Variants in ARHGEF16 observed in about 807,000 individuals in gnomAD.
The protein encoded by ARHGEF16 is Rho guanine nucleotide exchange factor 16, also known as Rho guanine exchange factor (GEF) 16.
Under a neutral mutation model 74.1 loss-of-function variants are expected in ARHGEF16, and 59 were observed. The ratio of observed to expected loss-of-function variants is 0.80; its 90% CI spans 0.65 to 0.99. The LOEUF (loss-of-function observed/expected upper bound fraction) is 0.99. ARHGEF16 is among the 50% of genes least tolerant of loss of function. The pLI is 0.00. For synonymous variants in ARHGEF16, 415 were observed against 412.6 expected, an observed-to-expected ratio of 1.01 and a Z score of -0.07; for missense variants, 948 against 986.6, an observed-to-expected ratio of 0.96 and a Z score of 0.52.
At chr1:3,456,797 A>T (rs937855199) in intron 1 of ARHGEF16, among the ~76,000 whole-genome samples, 1 of 152,200 alleles carries the variant, frequency 6.6e-6, no homozygotes, top group African/African-American at 2.4e-5. Context: ...GTGGCAGCAG[A>T]GCCAGGGACA....
chr1:3,467,528 A>G (rs1281050034), intron 4 of ARHGEF16, among the ~76,000 whole-genome samples, 191 bp downstream of exon 4: 1 of 152,174 alleles, frequency 6.6e-6, no homozygotes, highest in African/African-American at 2.4e-5. Context: ...CTGTGCCCTC[A>G]GAGTCACCCT....
At chr1:3,474,558 GGGGCT>G in intron 8 of ARHGEF16, 145 bp from the exon 9 acceptor site, 1 of 683,946 alleles carries the variant, frequency 1.5e-6, no homozygotes, top group Admixed American at 2.4e-5. Flanking sequence ...AGGCCGTTCA[GGGGCT>G]GTACGTGCTG....
At chr1:3,456,412 TCCTGTCCTTAGCACAGGGGAC>T (rs1379576809) in intron 1 of ARHGEF16, among the ~76,000 whole-genome samples, 4 of 152,212 alleles carry the variant, frequency 2.6e-5, no homozygotes, top group Admixed American at 2.0e-4. Flanking sequence ...TCTGGGCTGC[TCCTGTCCTTAGCACAGGGGAC>T]CATCCGTCTG....
At chr1:3,461,764 T>TG (rs1639401512) in intron 1 of ARHGEF16, among the ~76,000 whole-genome samples, 1 of 152,218 alleles carries the variant, frequency 6.6e-6, no homozygotes, top group South Asian at 2.1e-4. Flanking sequence ...CTGGGGGCTC[T>TG]GCACATCTCG....
At chr1:3,476,269 C>T (rs948644052) in intron 10 of ARHGEF16, among the ~76,000 whole-genome samples, 1 of 152,136 alleles carries the variant, frequency 6.6e-6, no homozygotes, top group African/African-American at 2.4e-5. Flanking sequence ...CTTGTGGACC[C>T]CTCCCCTAAT....
intron 1 of ARHGEF16, among the ~76,000 whole-genome samples, chr1:3,462,648 C>A (rs930033283): frequency 8.5e-5 from 13 of 152,222 alleles, no homozygotes; most frequent in African/African-American, 2.7e-4. Context: ...GGATTCCAGG[C>A]CAGGTCTTCA....
chr1:3,480,160 G>A (rs1197837257), intron 14 of ARHGEF16, among the ~76,000 whole-genome samples: 1 of 152,218 alleles, frequency 6.6e-6, no homozygotes, highest in African/African-American at 2.4e-5. Context: ...TCCCCGCTCA[G>A]CCAGGCCCAG....
chr1:3,470,569 G>C (rs918335291), intron 6 of ARHGEF16, among the ~76,000 whole-genome samples: 1 of 150,750 alleles, frequency 6.6e-6, no homozygotes, highest in Non-Finnish European at 1.5e-5. Flanking sequence ...GAGTGGGTAG[G>C]GGTGTGTGTG....
chr1:3,473,785 G>C, intron 8 of ARHGEF16: 1 of 574,928 alleles, frequency 1.7e-6, no homozygotes, highest in Non-Finnish European at 3.0e-6. Flanking sequence ...TGAGGTTCAG[G>C]CACACTGACG....
chr1:3,466,248 A>C (rs2100740947), intron 3 of ARHGEF16, 55 bp downstream of exon 3: 9,028 of 1,464,402 alleles, frequency 6.2e-3, no homozygotes, highest in Non-Finnish European at 7.5e-3. Flanking sequence ...AACTGGTCTC[A>C]CTGGGGCACC....
chr1:3,460,928 C>T (rs1015495717), intron 1 of ARHGEF16, among the ~76,000 whole-genome samples: 1 of 148,040 alleles, frequency 6.8e-6, no homozygotes, highest in Admixed American at 6.6e-5. Context: ...TGGTGGCTCC[C>T]GGGGCTGAGC....
In ARHGEF16 at chr1:3,463,076, C is replaced by G; in HGVS notation, c.-9C>G. The G allele has an allele frequency of 6.9e-7, 1 of 1,447,330 alleles. No homozygotes were observed. Among genetic ancestry groups the G allele is most frequent in the African/African-American group, 1.4e-5 (1 of 69,762 alleles). 89.7% of individuals were successfully genotyped at this position (1,447,330 alleles called of 1,614,324 possible). A position where few individuals can be genotyped will look rare whatever the true frequency, so the allele number is the denominator to read the frequency against. On this transcript the variant is annotated 5_prime_UTR_variant, in exon 2 of 15. Coordinates refer to ENST00000378378, the MANE Select transcript of ARHGEF16 (RefSeq NM_014448.4). ...CTGCCCTTCCCCCAGGACCCCACAG[C>G]CGCCCAGCATGGCCCAGCGGCACTC... is the stretch of plus-strand genomic sequence containing the variant.
intron 12 of ARHGEF16, 48 bp from the exon 13 acceptor site, chr1:3,479,469 G>C (rs778635507): frequency 8.8e-6 from 14 of 1,598,986 alleles, no homozygotes; most frequent in Non-Finnish European, 1.1e-5. Context: ...AACATCAGAC[G>C]GGCAGGATCG....
At chr1:3,454,884 C>T (rs1461290026) in intron 1 of ARHGEF16, 73 bp downstream of exon 1, 1 of 152,118 alleles carries the variant, frequency 6.6e-6, no homozygotes, top group Non-Finnish European at 1.5e-5. Context: ...GGGGATTAGC[C>T]CGGGGGAGGC....
chr1:3,468,548 G>A (rs571497626), intron 4 of ARHGEF16: 92 of 370,754 alleles, frequency 2.5e-4, no homozygotes, highest in South Asian at 1.9e-3. Flanking sequence ...GGTGGGCTCC[G>A]CACCTCTCCA....
intron 1 of ARHGEF16, among the ~76,000 whole-genome samples, chr1:3,460,135 T>G (rs1639357780): frequency 6.6e-6 from 1 of 152,178 alleles, no homozygotes; most frequent in African/African-American, 2.4e-5. Context: ...GGCTCTGGAC[T>G]GCCCACACCC....
chr1:3,468,791 C>T, intron 4 of ARHGEF16, 89 bp from the exon 5 acceptor site: 1 of 1,469,972 alleles, frequency 6.8e-7, no homozygotes, highest in East Asian at 2.5e-5. Context: ...CATGTTGGCC[C>T]TGGTCCATCA....
In ARHGEF16 at chr1:3,459,867, G is replaced by A. The variant is rs550729490; in HGVS notation, c.-19-3199G>A. ...GAGTCCTCGTCCAACAGGCAGGGAG[G>A]GGGTAGGAATGCCCATAGGTGGGGG... On this transcript the variant is annotated intron_variant, in intron 1 of 14. Transcript: ENST00000378378. Among the ~76,000 whole-genome samples, 7 of 152,246 alleles carry A rather than the reference G, an allele frequency of 4.6e-5. No homozygotes were observed. The South Asian group carries it at 1.2e-3, about 27-fold the overall frequency.
At chr1:3,466,238 A>C in intron 3 of ARHGEF16, 45 bp downstream of exon 3, 2 of 1,521,224 alleles carry the variant, frequency 1.3e-6, no homozygotes. Flanking sequence ...CTCCAGTTGA[A>C]ACTGGTCTCA....
Sources: allele counts gnomAD v4.1 joint callset (sites outside exome capture counted in the v4.1 genomes callset), GRCh38; gene constraint gnomAD v4.1.1; transcripts MANE v1.5; gene names NCBI Gene and HGNC (gene_info 2026-07-23, HGNC 2026-07-21).